ZNF282: variants seen among roughly 807,000 people sequenced by gnomAD.
ZNF282 encodes the protein HTLV-I U5 repressive element-binding protein 1.
A neutral mutation model predicts 61.9 loss-of-function variants in ZNF282; 30 were observed. The observed-to-expected ratio is 0.48, with a 90% CI of 0.36 to 0.66. The LOEUF is 0.66. Ranked by LOEUF, ZNF282 falls within the 30% of genes least tolerant of loss-of-function variation. The pLI, the probability that ZNF282 is intolerant of heterozygous loss-of-function variation, is 0.00. For missense variants in ZNF282, 788 were observed against 941.4 expected (o/e 0.84, Z 2.13); for synonymous variants, 396 against 405.0 (o/e 0.98, Z 0.27).
chr7:149,211,225 G>A (rs1268563235), intron 5 of ZNF282, among the ~76,000 whole-genome samples: 3 of 152,332 alleles, frequency 2.0e-5, no homozygotes, highest in Middle Eastern at 3.4e-3. Context: ...GCAGATGTAT[G>A]TATCAATCAG....
intron 7 of ZNF282, among the ~76,000 whole-genome samples, chr7:149,221,645 C>G (rs1381818786): frequency 1.3e-5 from 2 of 152,080 alleles, no homozygotes; most frequent in Non-Finnish European, 2.9e-5. Context: ...CTGGGATGAC[C>G]CTTCCCAGGC....
chr7:149,215,011 C>T (rs2240371), intron 7 of ZNF282, among the ~76,000 whole-genome samples: 3 of 151,908 alleles, frequency 2.0e-5, no homozygotes, highest in African/African-American at 7.3e-5. Flanking sequence ...CTGAAGCTCC[C>T]TTATTGACCT....
In ZNF282 at chr7:149,196,986, G is replaced by T. The variant is rs536458962; in HGVS notation, c.165+1232G>T. ...TGAGGGCCTTTTCTGCAGCCATCGG[G>T]AGGACAGAAAATGACACCTCTTCCT... On this transcript the variant is annotated intron_variant, in intron 1 of 7. Coordinates refer to ENST00000610704, the MANE Select transcript of ZNF282 (RefSeq NM_003575.4). Among the ~76,000 whole-genome samples, 464 of 152,308 alleles carry T rather than the reference G, an allele frequency of 3.0e-3. 3 individuals are homozygous for T. The highest frequency in any genetic ancestry group is 5.2e-3 in the Non-Finnish European group (357 of 68,030).
intron 7 of ZNF282, among the ~76,000 whole-genome samples, chr7:149,216,156 T>A (rs1227345462): frequency 2.0e-5 from 3 of 152,188 alleles, no homozygotes; most frequent in Non-Finnish European, 2.9e-5. Flanking sequence ...TGGAGTGCAG[T>A]GGTGTGATCC....
chr7:149,207,666 CA>C (rs1796017764), intron 4 of ZNF282, among the ~76,000 whole-genome samples, 196 bp downstream of exon 4: 2 of 152,212 alleles, frequency 1.3e-5, no homozygotes, highest in African/African-American at 4.8e-5. Context: ...CTCAAAATAG[CA>C]CCCTGGATAT....
Position 149,209,512 on chromosome 7 carries a change from T to C in ZNF282, c.833-1073T>C, listed in dbSNP as rs558490132. Among the ~76,000 whole-genome samples, 44 of 152,274 alleles carry C rather than the reference T, an allele frequency of 2.9e-4. No individual in the cohort carries two copies. The Middle Eastern group carries it at 0.017, about 59-fold the overall frequency. On this transcript the variant is annotated intron_variant, in intron 4 of 7. Transcript: ENST00000610704. ...GGTCAGCAGCGGTAGTAACAGCACC[T>C]AGTCTTATGGGGTAGATTTTTACAT...
At chr7:149,196,292 A>T (rs980681364) in intron 1 of ZNF282, among the ~76,000 whole-genome samples, 1 of 152,130 alleles carries the variant, frequency 6.6e-6, no homozygotes, top group Non-Finnish European at 1.5e-5. Context: ...CCATGGAGAG[A>T]TGACTTCGGG....
At position 149,208,102 on chromosome 7, in the gene ZNF282, G is replaced by T. The variant is rs138670930; in HGVS notation, c.832+632G>T. On this transcript the variant is annotated intron_variant, in intron 4 of 7. Transcript: ENST00000610704. ...GGGTCAGCTTTCCTGAGCATTGTTGGATTAGGTGAAATCTGGTGCTCAAAC... is the reference window on the plus strand; with the variant it reads ...GGGTCAGCTTTCCTGAGCATTGTTGTATTAGGTGAAATCTGGTGCTCAAAC... Among the ~76,000 whole-genome samples, 22 of 152,330 alleles carry T rather than the reference G, an allele frequency of 1.4e-4. No individual in the cohort carries two copies. In the East Asian group the frequency reaches 3.9e-3, roughly 27 times the overall value.
In ZNF282 at chr7:149,224,581, C is replaced by A. The variant is rs747421325; in HGVS notation, c.1950C>A (p.Arg650=). 1.9e-6 allele frequency: 3 copies of A among 1,591,826 alleles called. No individual in the cohort carries two copies. The highest frequency in any genetic ancestry group is 2.2e-5 in the South Asian group (2 of 89,842). Residue 650 remains arginine (R), a synonymous_variant, in exon 8 of 8, where the codon CGC becomes CGA. Coordinates refer to ENST00000610704, the MANE Select transcript of ZNF282 (RefSeq NM_003575.4). The stretch of plus-strand genomic sequence containing the variant: ...AGGAGTCGCTCAAGGACCACCTGCG[C>A]GTGCACAGCGGCGGCCCGGGCCCCG... ...RYKESLKDHL[R]VHSGGPGPGA... is the part of the protein sequence containing the mutation.
At position 149,212,407 on chromosome 7, in the gene ZNF282, G is replaced by C. The variant is rs1287484775; in HGVS notation, c.1002G>C (p.Glu334Asp). The change falls in exon 6 of 8, where the codon GAG becomes GAC. Residue 334 changes from glutamate (E) to aspartate (D), a missense_variant. Physicochemically the swap from Glu to Asp is conservative, Grantham distance 45. Coordinates refer to ENST00000610704, the MANE Select transcript of ZNF282 (RefSeq NM_003575.4). ...QDLLSRIKQE[E>D]HQCVWDQQDL... ...TCTTGTCCCGGATTAAACAGGAGGA[G>C]CATCAGTGCGTGTGGGATCAGCAGG... 3 of 1,613,150 alleles carry C rather than the reference G, an allele frequency of 1.9e-6. No homozygotes were observed. In the South Asian group the frequency reaches 3.3e-5, roughly 18 times the overall value.
At chr7:149,203,355 T>A (rs1795945057) in intron 2 of ZNF282, among the ~76,000 whole-genome samples, 2 of 152,124 alleles carry the variant, frequency 1.3e-5, no homozygotes, top group Admixed American at 1.3e-4. Flanking sequence ...ACTTACTGGT[T>A]TTTTGTTTTT....
chr7:149,207,372 A>G lies in ZNF282; in HGVS notation c.734A>G (p.Lys245Arg). 1.3e-6 allele frequency: 2 copies of G among 1,586,720 alleles called. No homozygotes were observed. Among genetic ancestry groups the G allele is most frequent in the Non-Finnish European group, 8.6e-7 (1 of 1,164,886 alleles). ...CCAGACGCGGAGGGCTCAGTCCCCA[A>G]GCCAGATGCTCCAGTCCAGGCTGAG... ...MSLDAEGSVP[K>R]PDAPVQAEPR... The change falls in exon 4 of 8, where the codon AAG becomes AGG. Residue 245 changes from lysine to arginine, a missense_variant. Around this residue, in one of 3 missense-constraint regions of ZNF282, gnomAD observed 559 missense variants for 642.0 expected, o/e 0.87. Transcript: ENST00000610704.
intron 5 of ZNF282, among the ~76,000 whole-genome samples, chr7:149,211,042 G>A (rs757942014): frequency 3.9e-5 from 6 of 152,192 alleles, no homozygotes; most frequent in Non-Finnish European, 8.8e-5. Context: ...GGGGGAACAG[G>A]GAGGTCAGGA....
At chr7:149,218,241 T>C (rs911699502) in intron 7 of ZNF282, among the ~76,000 whole-genome samples, 11 of 152,202 alleles carry the variant, frequency 7.2e-5, no homozygotes, top group Middle Eastern at 3.4e-3. Context: ...ATGCATTTGA[T>C]GCAGACCAAG....
chr7:149,196,280 G>A (rs1795815007), intron 1 of ZNF282, among the ~76,000 whole-genome samples: 1 of 152,204 alleles, frequency 6.6e-6, no homozygotes. Flanking sequence ...CCAGGGAGGG[G>A]GCCATGGAGA....
intron 2 of ZNF282, among the ~76,000 whole-genome samples, chr7:149,205,601 G>A (rs1795980726): frequency 1.3e-5 from 2 of 152,168 alleles, no homozygotes; most frequent in South Asian, 4.1e-4. Context: ...GTGGGGCCAT[G>A]GCACTGAGGT....
At chr7:149,218,873 A>T (rs1357079469) in intron 7 of ZNF282, among the ~76,000 whole-genome samples, 1 of 152,200 alleles carries the variant, frequency 6.6e-6, no homozygotes, top group Non-Finnish European at 1.5e-5. Context: ...AGCCAAAAGG[A>T]GATCCATAAG....
In ZNF282 at chr7:149,224,590, C is replaced by T. The variant is rs777301982; in HGVS notation, c.1959C>T (p.Ser653=). The part of the protein sequence containing the change: ...ESLKDHLRVH[S]GGPGPGAPRQ... Reference sequence around the variant, plus strand: ...TCAAGGACCACCTGCGCGTGCACAGCGGCGGCCCGGGCCCCGGCGCCCCAC... The same window carrying T: ...TCAAGGACCACCTGCGCGTGCACAGTGGCGGCCCGGGCCCCGGCGCCCCAC... The change falls in exon 8 of 8, where the codon AGC becomes AGT. Residue 653 remains serine (S), a synonymous_variant. Transcript: ENST00000610704. 5.1e-6 allele frequency: 8 copies of T among 1,577,340 alleles called. No homozygotes were observed. The Middle Eastern group carries it at 5.0e-4, about 98-fold the overall frequency.
chr7:149,198,405 G>C lies in ZNF282; in HGVS notation c.238G>C (p.Val80Leu). The C allele has an allele frequency of 6.2e-7, 1 of 1,614,206 alleles. No homozygotes were observed. Among genetic ancestry groups the C allele is most frequent in the Non-Finnish European group, 8.5e-7 (1 of 1,180,038 alleles). ...QFPPFPDRAP[V>L]FPDRMMREPQ... is the part of the protein sequence containing the mutation. The stretch of plus-strand genomic sequence containing the variant: ...CCCACCCTTTCCAGATAGGGCACCT[G>C]TCTTCCCCGACCGCATGATGCGAGA... Residue 80 changes from valine to leucine, a missense_variant, in exon 2 of 8, where the codon GTC becomes CTC. This residue lies in a region of ZNF282 where 137 missense variants were observed against 135.4 expected (regional missense o/e 1.01). Transcript: ENST00000610704. The surrounding 1 kb of genome is among the most constrained non-coding windows in gnomAD (Gnocchi z 4.3).
Sources: gnomAD v4.1 joint callset for allele counts (sites outside exome capture counted in the v4.1 genomes callset) on GRCh38, gnomAD v4.1.1 for gene constraint, gnomAD v4.1.1 regional missense constraint, Gnocchi (gnomAD v3.1) non-coding constraint, MANE v1.5 for transcripts, NCBI Gene and HGNC (gene_info 2026-07-23, HGNC 2026-07-21) for gene names.